Variants in EBF3 observed in about 807,000 individuals in gnomAD.
The protein encoded by EBF3 is transcription factor COE3.
In EBF3, 18 loss-of-function variants were observed where a neutral mutation model predicts 77.1. That is an observed-to-expected ratio of 0.23 (90% CI 0.16 to 0.35). The LOEUF (loss-of-function observed/expected upper bound fraction) is 0.35. EBF3 is among the 10% of genes least tolerant of loss of function. The pLI, the probability that EBF3 is intolerant of heterozygous loss-of-function variation, is 1.00. For synonymous variants in EBF3, 350 were observed against 343.5 expected (o/e 1.02, Z -0.21); for missense variants, 558 against 860.0 (o/e 0.65, Z 4.39).
intron 6 of EBF3, among the ~76,000 whole-genome samples, chr10:129,942,612 A>G (rs929165369): frequency 2.6e-5 from 4 of 152,158 alleles, no homozygotes; most frequent in African/African-American, 9.7e-5. Context: ...AAAATTGGGG[A>G]CTACCACGTC....
At chr10:129,839,311 C>A in intron 15 of EBF3, 116 bp from the exon 16 acceptor site, 1 of 449,680 alleles carries the variant, frequency 2.2e-6, no homozygotes. Flanking sequence ...CTGAAAGAGG[C>A]CAGATGACGG....
chr10:129,898,324 C>T (rs1220152672), intron 6 of EBF3, among the ~76,000 whole-genome samples: 2 of 152,308 alleles, frequency 1.3e-5, no homozygotes, highest in Non-Finnish European at 2.9e-5. Flanking sequence ...CCCGGGTTTA[C>T]GGGGTTCACC....
chr10:129,939,477 C>T (rs1857580245), intron 6 of EBF3, among the ~76,000 whole-genome samples: 1 of 152,228 alleles, frequency 6.6e-6, no homozygotes, highest in Non-Finnish European at 1.5e-5. Context: ...AATGTTCTGA[C>T]TATGCAGATC....
intron 6 of EBF3, among the ~76,000 whole-genome samples, chr10:129,956,563 C>A (rs1030825198): frequency 6.6e-6 from 1 of 152,126 alleles, no homozygotes; most frequent in African/African-American, 2.4e-5. Context: ...ACCATTAGGG[C>A]TACTGATTGG....
Position 129,906,639 on chromosome 10 carries a change from G to A in EBF3, c.555-28790C>T, listed in dbSNP as rs546214632. Among the ~76,000 whole-genome samples, 9 of 152,230 alleles carry A rather than the reference G, an allele frequency of 5.9e-5. No individual in the cohort carries two copies. In the South Asian group the frequency reaches 1.2e-3, roughly 21 times the overall value. On this transcript the variant is annotated intron_variant, in intron 6 of 16. Coordinates refer to ENST00000440978, the MANE Select transcript of EBF3 (RefSeq NM_001375380.1). ...CTTATTTCTAGAAATGCCTACAGTT[G>A]GCTGTTTCTAAGATCAGAGAGTTCT...
In EBF3 at chr10:129,944,508, C is replaced by T. The variant is rs1048495692; in HGVS notation, c.554+12750G>A. Among the ~76,000 whole-genome samples, 11 of 152,098 alleles carry T rather than the reference C, an allele frequency of 7.2e-5. No individual in the cohort carries two copies. The highest frequency in any genetic ancestry group is 1.7e-4 in the African/African-American group (7 of 41,396). On this transcript the variant is annotated intron_variant, in intron 6 of 16. Coordinates refer to ENST00000440978, the MANE Select transcript of EBF3 (RefSeq NM_001375380.1). The surrounding 1 kb of genome is among the most constrained non-coding windows in gnomAD (Gnocchi z 5.1). ...CATAAGTCAGATGAATTAATATAGG[C>T]GGTGTAGGACCTCTCTTGCCACTGA...
At chr10:129,927,004 G>A (rs1003190743) in intron 6 of EBF3, among the ~76,000 whole-genome samples, 2 of 152,220 alleles carry the variant, frequency 1.3e-5, no homozygotes, top group African/African-American at 2.4e-5. Flanking sequence ...CCCAGGAACC[G>A]CTGCTCCCTT....
intron 10 of EBF3, among the ~76,000 whole-genome samples, chr10:129,849,559 G>A (rs1224750354): frequency 6.6e-6 from 1 of 152,206 alleles, no homozygotes; most frequent in African/African-American, 2.4e-5. Context: ...GCCTTTGCAA[G>A]TGCTCTCCAA....
intron 4 of EBF3, among the ~76,000 whole-genome samples, chr10:129,961,050 T>G (rs988960503): frequency 6.6e-6 from 1 of 152,178 alleles, no homozygotes; most frequent in Admixed American, 6.5e-5. Flanking sequence ...TCTAACACCC[T>G]TGCTACCTAG....
In EBF3 at chr10:129,885,622, A is replaced by G. The variant is rs73381783; in HGVS notation, c.555-7773T>C. Reference sequence around the variant, plus strand: ...TTTCTCTATTTCTAATGGGCAATGCAGCACTGACATTATTTCCCCAGCAGA... The same window carrying G: ...TTTCTCTATTTCTAATGGGCAATGCGGCACTGACATTATTTCCCCAGCAGA... On this transcript the variant is annotated intron_variant, in intron 6 of 16. Transcript: ENST00000440978. The surrounding 1 kb of genome is among the most constrained non-coding windows in gnomAD (Gnocchi z 4.0). 0.019 allele frequency among the ~76,000 whole-genome samples: 2,866 copies of G among 152,214 alleles called. 63 individuals are homozygous for G. Among genetic ancestry groups the G allele is most frequent in the African/African-American group, 0.055 (2,279 of 41,502 alleles).
At chr10:129,945,244 G>C (rs992654169) in intron 6 of EBF3, among the ~76,000 whole-genome samples, 1 of 148,796 alleles carries the variant, frequency 6.7e-6, no homozygotes, top group Non-Finnish European at 1.5e-5. Flanking sequence ...GGGAGGGAGG[G>C]GGAGCAATGG....
At chr10:129,867,419 C>A in intron 9 of EBF3, 152 bp from the exon 10 acceptor site, 5 of 1,286,246 alleles carry the variant, frequency 3.9e-6, no homozygotes, top group Non-Finnish European at 4.2e-6. Context: ...CCGGGACCTA[C>A]AGTGTTTTTT....
intron 6 of EBF3, among the ~76,000 whole-genome samples, chr10:129,906,559 C>T (rs1217769980): frequency 6.6e-6 from 1 of 152,178 alleles, no homozygotes; most frequent in Non-Finnish European, 1.5e-5. Flanking sequence ...AGAGGACAGT[C>T]CCTATGGGAC....
chr10:129,957,204 A>G, intron 6 of EBF3, 54 bp downstream of exon 6: 2 of 1,526,650 alleles, frequency 1.3e-6, no homozygotes, highest in Middle Eastern at 1.7e-4. Flanking sequence ...AGCAAGGCAA[A>G]ACGTTTTGTT....
chr10:129,855,574 G>A (rs145217058), intron 10 of EBF3, among the ~76,000 whole-genome samples: 5 of 152,290 alleles, frequency 3.3e-5, no homozygotes, highest in African/African-American at 4.8e-5. Context: ...TTCCCAAGGC[G>A]GAGGTTCTGA....
chr10:129,850,755 CCT>C (rs572695346), intron 10 of EBF3, among the ~76,000 whole-genome samples: 88 of 152,358 alleles, frequency 5.8e-4, no homozygotes, highest in African/African-American at 2.0e-3. Flanking sequence ...TCCCAATCCA[CCT>C]CTGTGCCCCC....
intron 7 of EBF3, among the ~76,000 whole-genome samples, chr10:129,877,180 C>A (rs6482761): frequency 0.35 from 53,705 of 151,844 alleles, 10,223 homozygotes; most frequent in African/African-American, 0.5. Flanking sequence ...AAATCAATCC[C>A]TCAATCAATC....
In EBF3 at chr10:129,942,047, C is replaced by T. The variant is rs112705363; in HGVS notation, c.554+15211G>A. ...CCCAAGCTGTTGACCCCTGTGTCCC[C>T]GCAGCCAGGAGAAACACCTCCTATC... is the stretch of plus-strand genomic sequence containing the variant. On this transcript the variant is annotated intron_variant, in intron 6 of 16. Coordinates refer to ENST00000440978, the MANE Select transcript of EBF3 (RefSeq NM_001375380.1). Among the ~76,000 whole-genome samples, 472 of 152,276 alleles carry T rather than the reference C, an allele frequency of 3.1e-3. 5 individuals carry two copies. Among genetic ancestry groups the T allele is most frequent in the African/African-American group, 0.01 (424 of 41,558 alleles).
intron 6 of EBF3, among the ~76,000 whole-genome samples, chr10:129,900,591 G>A (rs548199983): frequency 1.6e-4 from 25 of 152,352 alleles, no homozygotes; most frequent in Middle Eastern, 3.4e-3. Flanking sequence ...CTCACTGCCT[G>A]ATGCCAAAGG....
Sources: allele counts gnomAD v4.1 joint callset (sites outside exome capture counted in the v4.1 genomes callset), GRCh38; gene constraint gnomAD v4.1.1; non-coding constraint Gnocchi (gnomAD v3.1); transcripts MANE v1.5; gene names NCBI Gene and HGNC (gene_info 2026-07-23, HGNC 2026-07-21).